The following BUD13 variants were observed in gnomAD, a reference collection of about 807,000 sequenced individuals.
BUD13 encodes the protein BUD13 homolog.
BUD13 carries 47 observed loss-of-function variants against 62.5 expected under a neutral mutation model. The ratio of observed to expected loss-of-function variants is 0.75; its 90% confidence interval spans 0.60 to 0.96. The LOEUF is 0.96. Among genes scored for constraint, BUD13 ranks in the 40% least tolerant of loss-of-function variants. The probability of loss-of-function intolerance (pLI) is 0.00; values close to 1 mark genes in which losing one functional copy is unlikely to be tolerated. For synonymous variants in BUD13, 293 were observed against 280.1 expected, an observed-to-expected ratio of 1.05 and a Z score of -0.46; for missense variants, 821 against 790.9, an observed-to-expected ratio of 1.04 and a Z score of -0.46.
At chr11:116,755,591 A>ACTAC (rs1565311604) in intron 9 of BUD13, among the ~76,000 whole-genome samples, 1 of 152,210 alleles carries the variant, frequency 6.6e-6, no homozygotes, top group Non-Finnish European at 1.5e-5. Context: ...TCTCTTTCTA[A>ACTAC]CTACCTATGT....
chr11:116,767,486 G>C (rs1013951288), intron 2 of BUD13, among the ~76,000 whole-genome samples: 1 of 150,784 alleles, frequency 6.6e-6, no homozygotes, highest in Admixed American at 6.6e-5. Context: ...CCAGCTACTC[G>C]GGAGGCTGAG....
At position 116,762,622 on chromosome 11, in the gene BUD13, C is replaced by T. The variant is rs745465231; in HGVS notation, c.967G>A (p.Asp323Asn). Residue 323 changes from aspartate to asparagine, a missense_variant, in exon 4 of 10, where the codon GAC becomes AAC. Around this residue, in one of 2 missense-constraint regions of BUD13, gnomAD observed 800 missense variants for 739.2 expected, o/e 1.08. Transcript: ENST00000260210. Reference sequence around the variant, plus strand: ...TGCTTTTTTCGTGGAGGAGAGATGTCAGGGTCATACTCATATTTGCTGTTC... The same window carrying T: ...TGCTTTTTTCGTGGAGGAGAGATGTTAGGGTCATACTCATATTTGCTGTTC... ...PKNSKYEYDP[D>N]ISPPRKKQAK... 43 of 1,614,040 alleles carry T rather than the reference C, an allele frequency of 2.7e-5. No homozygotes were observed. In the Middle Eastern group the frequency reaches 6.6e-4, roughly 25 times the overall value.
chr11:116,759,723 A>G (rs1231943606), intron 5 of BUD13, among the ~76,000 whole-genome samples: 1 of 152,238 alleles, frequency 6.6e-6, no homozygotes, highest in Non-Finnish European at 1.5e-5. Flanking sequence ...AAATTGGAAT[A>G]ATATTAAGTT....
intron 1 of BUD13, 68 bp from the exon 2 acceptor site, chr11:116,770,290 G>A: frequency 7.1e-7 from 1 of 1,406,984 alleles, no homozygotes; most frequent in Non-Finnish European, 9.7e-7. Context: ...TTATCTATTG[G>A]TTTTAAAATA....
rs1393717587 is a variant in BUD13 at position 116,762,853 on chromosome 11, T to C, written c.736A>G (p.Asn246Asp). 6 of 1,613,204 alleles carry C rather than the reference T, an allele frequency of 3.7e-6. No homozygotes were observed. Among genetic ancestry groups the C allele is most frequent in the Admixed American group, 3.3e-5 (2 of 59,914 alleles). The change falls in exon 4 of 10, where the codon AAC becomes GAC. Residue 246 changes from asparagine to aspartate, a missense_variant. Physicochemically the swap from Asn to Asp is conservative, Grantham distance 23. Transcript: ENST00000260210. The part of the protein sequence containing the change: ...SDISSPRRVH[N>D]NSPDTSRRTL... ...CTCCTAGATGTGTCAGGGGAGTTGT[T>C]ATGGACCCTTCTGGGGGAAGAGATA...
In BUD13 at chr11:116,755,296, A is replaced by G. The variant is rs76867183; in HGVS notation, c.1766+1850T>C. Among the ~76,000 whole-genome samples, 102 of 152,360 alleles carry G rather than the reference A, an allele frequency of 6.7e-4. 1 individual carries two copies. Among genetic ancestry groups the G allele is most frequent in the African/African-American group, 2.4e-3 (98 of 41,580 alleles). On this transcript the variant is annotated intron_variant, in intron 9 of 9. Transcript: ENST00000260210. ...TTCCCATTATTTAAAGAGTTTTGTG[A>G]TAAGACCGGAAGTGATGTTAACAAA... is the stretch of plus-strand genomic sequence containing the variant.
intron 9 of BUD13, among the ~76,000 whole-genome samples, chr11:116,754,891 C>T (rs1165824585): frequency 6.6e-6 from 1 of 152,172 alleles, no homozygotes; most frequent in African/African-American, 2.4e-5. Flanking sequence ...TGAAGGAAAA[C>T]AACTGACAAT....
At chr11:116,758,723 G>T (rs1467021662) in intron 6 of BUD13, among the ~76,000 whole-genome samples, 1 of 151,694 alleles carries the variant, frequency 6.6e-6, no homozygotes, top group Non-Finnish European at 1.5e-5. Context: ...GAGTAGCTGG[G>T]ATTACAGGCA....
In BUD13 at chr11:116,758,257, T is replaced by C; in HGVS notation, c.1499+12A>G. 6.2e-7 allele frequency: 1 copy of C among 1,613,778 alleles called. No homozygotes were observed. The highest frequency in any genetic ancestry group is 2.2e-5 in the East Asian group (1 of 44,884). ...ACTGCCATCTTGTTTACCCTTTCAGTGGTTCCCTTACCCTTTTCCCCACTG... is the reference window on the plus strand; with the variant it reads ...ACTGCCATCTTGTTTACCCTTTCAGCGGTTCCCTTACCCTTTTCCCCACTG... On this transcript the variant is annotated intron_variant, in intron 7 of 9. Coordinates refer to ENST00000260210, the MANE Select transcript of BUD13 (RefSeq NM_032725.4).
In BUD13 at chr11:116,749,304, T is replaced by G. The variant is rs577952839; in HGVS notation, c.1767-729A>C. ...CTGTCCTGATGAACTCCCAGACTAG[T>G]GGAAGAGAGAGACATTTAAACAAAT... is the stretch of plus-strand genomic sequence containing the variant. On this transcript the variant is annotated intron_variant, in intron 9 of 9. Transcript: ENST00000260210. 2.0e-5 allele frequency among the ~76,000 whole-genome samples: 3 copies of G among 152,242 alleles called. No homozygotes were observed. The East Asian group carries it at 5.8e-4, about 29-fold the overall frequency.
chr11:116,759,255 G>C (rs1940389494), intron 5 of BUD13, 76 bp from the exon 6 acceptor site: 2 of 969,402 alleles, frequency 2.1e-6, no homozygotes, highest in Non-Finnish European at 3.3e-6. Context: ...ACAGTTAGTT[G>C]CATTTGTGTC....
chr11:116,768,014 T>C (rs1373101385), intron 2 of BUD13, among the ~76,000 whole-genome samples: 1 of 145,742 alleles, frequency 6.9e-6, no homozygotes. Flanking sequence ...ATAATAATAA[T>C]AATAGTGCTC....
At chr11:116,768,993 C>T (rs1173197247) in intron 2 of BUD13, among the ~76,000 whole-genome samples, 1 of 122,996 alleles carries the variant, frequency 8.1e-6, no homozygotes, top group Non-Finnish European at 1.6e-5. Flanking sequence ...CAAGCCTGGG[C>T]AACACGGTGA....
At position 116,759,087 on chromosome 11, in the gene BUD13, G is replaced by C. The variant is rs1940385342; in HGVS notation, c.1347C>G (p.Thr449=). ...QQELKEQDQE[T]MAFEAEFQYA... is the part of the protein sequence containing the mutation. ...TCATATTTTTACCTTCAAATGCCAT[G>C]GTTTCTTGATCCTGTTCCTTGAGCT... Residue 449 remains threonine, a synonymous_variant, in exon 6 of 10, where the codon ACC becomes ACG. Transcript: ENST00000260210. 5.6e-6 allele frequency: 9 copies of C among 1,612,962 alleles called. No homozygotes were observed. Among genetic ancestry groups the C allele is most frequent in the Non-Finnish European group, 7.6e-6 (9 of 1,179,754 alleles).
At chr11:116,771,523 CATT>C (rs754902279) in intron 1 of BUD13, among the ~76,000 whole-genome samples, 3 of 152,044 alleles carry the variant, frequency 2.0e-5, no homozygotes, top group Non-Finnish European at 2.9e-5. Flanking sequence ...TTAATAAAAC[CATT>C]ATTATTATTA....
In BUD13 at chr11:116,760,164, G is replaced by T. The variant is rs575808166; in HGVS notation, c.1254+571C>A. 2.0e-5 allele frequency among the ~76,000 whole-genome samples: 3 copies of T among 152,316 alleles called. No individual in the cohort carries two copies. In the East Asian group the frequency reaches 5.8e-4, roughly 29 times the overall value. On this transcript the variant is annotated intron_variant, in intron 5 of 9. Transcript: ENST00000260210. ...TAAGCTCTGGATACAGAGACCTATAGTCCAATTTATACTAGTAAATCACTA... is the reference window on the plus strand; with the variant it reads ...TAAGCTCTGGATACAGAGACCTATATTCCAATTTATACTAGTAAATCACTA...
At chr11:116,754,588 T>G (rs1045715127) in intron 9 of BUD13, among the ~76,000 whole-genome samples, 1 of 152,128 alleles carries the variant, frequency 6.6e-6, no homozygotes, top group African/African-American at 2.4e-5. Flanking sequence ...GAACTTTAAC[T>G]CCATAAAGGA....
intron 2 of BUD13, 98 bp from the exon 3 acceptor site, chr11:116,765,544 C>T: frequency 7.7e-7 from 1 of 1,301,340 alleles, no homozygotes; most frequent in Admixed American, 1.7e-5. Flanking sequence ...CGATTCCTAA[C>T]ACAAGGGCGT....
At chr11:116,769,156 T>G (rs1349496822) in intron 2 of BUD13, among the ~76,000 whole-genome samples, 3 of 152,188 alleles carry the variant, frequency 2.0e-5, no homozygotes, top group African/African-American at 7.2e-5. Context: ...AGCAATGGTT[T>G]CATGAACCAC....
Sources: allele counts gnomAD v4.1 joint callset (sites outside exome capture counted in the v4.1 genomes callset), GRCh38; gene constraint gnomAD v4.1.1; regional missense constraint gnomAD v4.1.1; transcripts MANE v1.5; gene names NCBI Gene and HGNC (gene_info 2026-07-23, HGNC 2026-07-21).